The following MYCBP2 variants were observed in gnomAD, a reference collection of about 807,000 sequenced individuals.
MYCBP2 encodes the protein E3 ubiquitin-protein ligase MYCBP2.
A neutral mutation model predicts 525.3 loss-of-function variants in MYCBP2; 120 were observed. That is an observed-to-expected ratio of 0.23 (90% CI 0.20 to 0.27). The LOEUF (loss-of-function observed/expected upper bound fraction) is 0.27, where lower values mean the gene tolerates loss of function less well. MYCBP2 is among the 10% of genes least tolerant of loss of function. The probability of loss-of-function intolerance (pLI) is 1.00; values close to 1 mark genes in which losing one functional copy is unlikely to be tolerated. For synonymous variants in MYCBP2, 1,894 were observed against 1,955.8 expected, an observed-to-expected ratio of 0.97 and a Z score of 0.83; for missense variants, 4,149 against 5,657.1, an observed-to-expected ratio of 0.73 and a Z score of 8.55.
At chr13:77,183,146 G>C (rs1010786078) in intron 32 of MYCBP2, among the ~76,000 whole-genome samples, 3 of 152,088 alleles carry the variant, frequency 2.0e-5, no homozygotes, top group Admixed American at 6.5e-5. Context: ...AATTTGGTTT[G>C]ATAATATTTT....
chr13:77,243,645 C>T (rs1045094117), intron 16 of MYCBP2, among the ~76,000 whole-genome samples, 161 bp downstream of exon 16: 10 of 151,742 alleles, frequency 6.6e-5, no homozygotes, highest in African/African-American at 2.2e-4. Flanking sequence ...GAATCTCATC[C>T]CTTAAACAAT....
intron 26 of MYCBP2, among the ~76,000 whole-genome samples, chr13:77,197,120 GC>G (rs2061838015): frequency 6.6e-6 from 1 of 152,166 alleles, no homozygotes; most frequent in Non-Finnish European, 1.5e-5. Context: ...GAGAGCTGAG[GC>G]TTGACTATTG....
intron 44 of MYCBP2, 44 bp downstream of exon 44, chr13:77,161,862 A>AAATT (rs760102176): frequency 6.8e-7 from 1 of 1,479,692 alleles, no homozygotes; most frequent in African/African-American, 1.4e-5. Context: ...AATACTTTTT[A>AAATT]AATTAATGTA....
intron 66 of MYCBP2, chr13:77,077,632 G>T: frequency 2.5e-6 from 1 of 394,836 alleles, no homozygotes; most frequent in Admixed American, 4.2e-5. Flanking sequence ...AGTAAATGGT[G>T]GAATTGAGAA....
At chr13:77,099,147 G>T in intron 55 of MYCBP2, 134 bp from the exon 56 acceptor site, 1 of 1,158,186 alleles carries the variant, frequency 8.6e-7, no homozygotes, top group Non-Finnish European at 1.2e-6. Context: ...AATACTTGAA[G>T]AATAAAGGAA....
At chr13:77,311,575 T>TTG (rs1206955796) in intron 1 of MYCBP2, among the ~76,000 whole-genome samples, 26 of 150,994 alleles carry the variant, frequency 1.7e-4, no homozygotes, top group African/African-American at 6.3e-4. Context: ...GTTTTTTTTT[T>TTG]TTTGTTTTTT....
chr13:77,080,102 A>G (rs953201460), intron 65 of MYCBP2, among the ~76,000 whole-genome samples: 13 of 152,208 alleles, frequency 8.5e-5, no homozygotes, highest in African/African-American at 3.1e-4. Flanking sequence ...GTTACACTTG[A>G]CTTTCCAGTA....
chr13:77,105,668 C>T (rs933987691), intron 55 of MYCBP2, among the ~76,000 whole-genome samples: 5 of 151,946 alleles, frequency 3.3e-5, no homozygotes, highest in African/African-American at 1.2e-4. Context: ...AATAATAATG[C>T]TTTTACAAAA....
At chr13:77,312,206 T>G (rs1053728929) in intron 1 of MYCBP2, among the ~76,000 whole-genome samples, 3 of 152,118 alleles carry the variant, frequency 2.0e-5, no homozygotes, top group African/African-American at 7.2e-5. Context: ...AAAGAGAATG[T>G]ATCCCCAGCA....
intron 60 of MYCBP2, among the ~76,000 whole-genome samples, chr13:77,089,852 A>G (rs2045083950): frequency 6.6e-6 from 1 of 152,080 alleles, no homozygotes; most frequent in African/African-American, 2.4e-5. Context: ...GATACCTAAC[A>G]AGTAAGATTG....
At chr13:77,314,193 T>A (rs994747164) in intron 1 of MYCBP2, among the ~76,000 whole-genome samples, 2 of 152,230 alleles carry the variant, frequency 1.3e-5, no homozygotes, top group Non-Finnish European at 2.9e-5. Flanking sequence ...CCACTAGATT[T>A]AACCATTCCC....
chr13:77,259,534 C>A (rs1346375721), intron 13 of MYCBP2, among the ~76,000 whole-genome samples: 1 of 152,084 alleles, frequency 6.6e-6, no homozygotes, highest in African/African-American at 2.4e-5. Flanking sequence ...GTACAAGAAC[C>A]CACTCCCAAA....
intron 2 of MYCBP2, among the ~76,000 whole-genome samples, chr13:77,289,636 A>G (rs905980640): frequency 6.6e-6 from 1 of 152,180 alleles, no homozygotes; most frequent in Non-Finnish European, 1.5e-5. Context: ...ATTGTGATCC[A>G]GGCAAATTGG....
Position 77,270,425 on chromosome 13 carries a change from C to T in MYCBP2, c.1059G>A (p.Lys353=). The T allele has an allele frequency of 6.2e-7, 1 of 1,613,776 alleles. No individual in the cohort carries two copies. Among genetic ancestry groups the T allele is most frequent in the South Asian group, 1.1e-5 (1 of 91,068 alleles). Residue 353 remains lysine, a synonymous_variant, in exon 6 of 83, where the codon AAG becomes AAA. Transcript: ENST00000544440. The part of the protein sequence containing the change: ...NGIKKAALMH[K]WPLKEISVDE... ...CAACAGATATTTCTTTTAATGGCCA[C>T]TTGTGCATTAAAGCTGCTTTCTTAA...
At position 77,191,826 on chromosome 13, in the gene MYCBP2, T is replaced by G. The variant is rs779217084; in HGVS notation, c.3936-13A>C. The G allele has an allele frequency of 6.2e-7, 1 of 1,612,346 alleles. No homozygotes were observed. Among genetic ancestry groups the G allele is most frequent in the African/African-American group, 1.3e-5 (1 of 74,820 alleles). On this transcript the variant is annotated splice_polypyrimidine_tract_variant and intron_variant, in intron 27 of 82. Transcript: ENST00000544440. ...TGCATATTTTTCTCTGAGAAAAAAT[T>G]AGTGAGTCAAAAACAATATTTTCTT... is the stretch of plus-strand genomic sequence containing the variant.
In MYCBP2 at chr13:77,056,099, G is replaced by GGTGTGTGTGTGTGTGT. The variant is rs56952443; in HGVS notation, c.13438-348_13438-333dup. The stretch of plus-strand genomic sequence containing the variant: ...CACAAATAAGACACGCTCTGTGTTT[G>GGTGTGTGTGTGTGTGT]GTGTGTGTGTGTGTGTGTGTGTGTG... On this transcript the variant is annotated intron_variant, in intron 79 of 82. Transcript: ENST00000544440. 3.3e-4 allele frequency among the ~76,000 whole-genome samples: 40 copies of GGTGTGTGTGTGTGTGT among 120,592 alleles called. 1 individual carries two copies. Among genetic ancestry groups the GGTGTGTGTGTGTGTGT allele is most frequent in the African/African-American group, 3.9e-4 (12 of 30,450 alleles). The allele number at this position is 120,592 out of a possible 152,430, so 79.1% of individuals were successfully genotyped here.
rs532805689 is a variant in MYCBP2 at position 77,177,633 on chromosome 13, C to T, written c.5340+115G>A. 2.6e-5 allele frequency: 22 copies of T among 862,586 alleles called. No homozygotes were observed. The East Asian group carries it at 5.3e-4, about 21-fold the overall frequency. 53.4% of individuals were successfully genotyped at this position (862,586 alleles called of 1,614,324 possible). A position where few individuals can be genotyped will look rare whatever the true frequency, so the allele number is the denominator to read the frequency against. On this transcript the variant is annotated intron_variant, in intron 35 of 82. Coordinates refer to ENST00000544440, the MANE Select transcript of MYCBP2 (RefSeq NM_015057.5). ...CACTGTGGCCAGTCTTTTTCAATTT[C>T]TTTAGTGTCATTCATCAGTGATTGA... is the stretch of plus-strand genomic sequence containing the variant.
In MYCBP2 at chr13:77,225,697, G is replaced by T; in HGVS notation, c.2738-143C>A. 2.9e-6 allele frequency: 3 copies of T among 1,028,756 alleles called. No homozygotes were observed. In the South Asian group the frequency reaches 5.5e-5, roughly 19 times the overall value. The allele number at this position is 1,028,756 out of a possible 1,614,324, so 63.7% of individuals were successfully genotyped here. ...GAATCTGTAGCTGTTAGAAGTGATA[G>T]ATCAAGAATCTACCTGCAAAGAAGG... is the stretch of plus-strand genomic sequence containing the variant. On this transcript the variant is annotated intron_variant, in intron 18 of 82. Transcript: ENST00000544440.
intron 1 of MYCBP2, among the ~76,000 whole-genome samples, chr13:77,325,938 T>G (rs1271108432): frequency 1.3e-5 from 2 of 152,170 alleles, no homozygotes; most frequent in East Asian, 3.9e-4. Flanking sequence ...TATCCAAAAC[T>G]CAACCAATCT....
Sources: gnomAD v4.1 joint callset for allele counts (sites outside exome capture counted in the v4.1 genomes callset) on GRCh38, gnomAD v4.1.1 for gene constraint, MANE v1.5 for transcripts, NCBI Gene and HGNC (gene_info 2026-07-23, HGNC 2026-07-21) for gene names.